Variants in STON2 observed in about 807,000 individuals in gnomAD.
STON2 encodes stonin 2, also known as stonin-2.
In STON2, 29 loss-of-function variants were observed where a neutral mutation model predicts 65.7. The ratio of observed to expected loss-of-function variants is 0.44; its 90% CI spans 0.33 to 0.60. The LOEUF is 0.60. STON2 is among the 20% of genes least tolerant of loss of function. The pLI is 0.03. For synonymous variants in STON2, 404 were observed against 414.2 expected (o/e 0.98, Z 0.30); for missense variants, 1,054 against 1,118.1 (o/e 0.94, Z 0.82).
chr14:81,300,785 T>G (rs1468736161), intron 5 of STON2, among the ~76,000 whole-genome samples: 1 of 152,190 alleles, frequency 6.6e-6, no homozygotes, highest in Non-Finnish European at 1.5e-5. Flanking sequence ...ATGATAAATT[T>G]AAACATTCAC....
intron 3 of STON2, among the ~76,000 whole-genome samples, chr14:81,376,145 A>G (rs1395493779): frequency 6.6e-6 from 1 of 151,908 alleles, no homozygotes; most frequent in Non-Finnish European, 1.5e-5. Context: ...ACAAAAGTAG[A>G]GCAAAATAAA....
chr14:81,304,843 C>T (rs1236752015), intron 5 of STON2, among the ~76,000 whole-genome samples: 1 of 152,094 alleles, frequency 6.6e-6, no homozygotes, highest in South Asian at 2.1e-4. Context: ...GTATAAAATA[C>T]ACAGAAAATA....
intron 3 of STON2, among the ~76,000 whole-genome samples, chr14:81,385,064 G>A (rs1166135660): frequency 1.3e-5 from 2 of 152,168 alleles, no homozygotes; most frequent in African/African-American, 4.8e-5. Context: ...GGAGAGCAGG[G>A]ACTGTGTCCA....
intron 3 of STON2, among the ~76,000 whole-genome samples, chr14:81,393,132 G>A (rs946044658): frequency 1.3e-5 from 2 of 152,152 alleles, no homozygotes; most frequent in East Asian, 3.8e-4. Context: ...TCAGATGGGG[G>A]CAACATAATT....
chr14:81,268,661 T>C, intron 7 of STON2, 164 bp from the exon 8 acceptor site: 5 of 983,678 alleles, frequency 5.1e-6, no homozygotes, highest in Non-Finnish European at 6.0e-6. Flanking sequence ...ATATCATGTC[T>C]CTCTCTTTGC....
intron 4 of STON2, among the ~76,000 whole-genome samples, chr14:81,330,808 C>T (rs1201730455): frequency 6.6e-6 from 1 of 152,198 alleles, no homozygotes. Context: ...ACTCAAAAGT[C>T]CTGCATGCCC....
chr14:81,383,650 C>A (rs189053424), intron 3 of STON2, among the ~76,000 whole-genome samples: 1 of 152,236 alleles, frequency 6.6e-6, no homozygotes, highest in East Asian at 1.9e-4. Flanking sequence ...AAGCTACCAC[C>A]CTGCTGCAAG....
At chr14:81,316,767 T>C (rs1458766326) in intron 5 of STON2, among the ~76,000 whole-genome samples, 4 of 152,312 alleles carry the variant, frequency 2.6e-5, no homozygotes, top group South Asian at 4.1e-4. Flanking sequence ...ACGCCTGTAA[T>C]ACCAGCACTT....
chr14:81,425,250 C>T (rs981890242), intron 2 of STON2, among the ~76,000 whole-genome samples: 14 of 152,088 alleles, frequency 9.2e-5, no homozygotes, highest in African/African-American at 3.4e-4. Flanking sequence ...AGGAATTTTC[C>T]AACCAAGTGT....
chr14:81,337,549 G>A (rs558840669), intron 4 of STON2, among the ~76,000 whole-genome samples: 21 of 152,236 alleles, frequency 1.4e-4, no homozygotes, highest in African/African-American at 4.8e-4. Context: ...CTCATGAGGT[G>A]GTTGGGGAAG....
At chr14:81,338,366 G>A (rs1462261103) in intron 4 of STON2, among the ~76,000 whole-genome samples, 3 of 152,202 alleles carry the variant, frequency 2.0e-5, no homozygotes, top group Admixed American at 6.5e-5. Context: ...AAAGGACAGG[G>A]TTCAGGGAGC....
intron 3 of STON2, among the ~76,000 whole-genome samples, chr14:81,374,808 G>A: frequency 6.6e-6 from 1 of 151,536 alleles, no homozygotes; most frequent in Non-Finnish European, 1.5e-5. Flanking sequence ...ATGGTAGAGG[G>A]GCAATATTTG....
chr14:81,391,332 G>C (rs1449495075), intron 3 of STON2, among the ~76,000 whole-genome samples: 1 of 152,206 alleles, frequency 6.6e-6, no homozygotes, highest in African/African-American at 2.4e-5. Flanking sequence ...GCAATATACA[G>C]CACATGCATT....
chr14:81,375,539 T>C (rs1339017694), intron 3 of STON2, among the ~76,000 whole-genome samples: 3 of 152,016 alleles, frequency 2.0e-5, no homozygotes, highest in Non-Finnish European at 2.9e-5. Context: ...AAATTATTAA[T>C]GCAAAAATTG....
chr14:81,352,310 C>T (rs1187963552), intron 4 of STON2, among the ~76,000 whole-genome samples: 2 of 152,162 alleles, frequency 1.3e-5, no homozygotes, highest in Non-Finnish European at 2.9e-5. Context: ...AACATCTATG[C>T]TTTCTGTTGG....
intron 2 of STON2, among the ~76,000 whole-genome samples, chr14:81,426,102 T>G (rs1901961058): frequency 6.6e-6 from 1 of 152,214 alleles, no homozygotes; most frequent in Non-Finnish European, 1.5e-5. Flanking sequence ...CTCACACCTA[T>G]GAGATGGGCA....
At chr14:81,398,209 C>T in intron 2 of STON2, 86 bp downstream of exon 2, 2 of 922,774 alleles carry the variant, frequency 2.2e-6, no homozygotes, top group Middle Eastern at 4.4e-4. Context: ...AAGATCCCAC[C>T]CAAAGAATAA....
Position 81,277,575 on chromosome 14 carries a change from A to G in STON2, c.1907T>C (p.Phe636Ser). ...EEITVDVRDE[F>S]SGIVSKGDNQ... Reference sequence around the variant, plus strand: ...GTCTCCTTTGCTCACAATGCCAGAGAATTCATCTCTGACATCCACTGTAAT... The same window carrying G: ...GTCTCCTTTGCTCACAATGCCAGAGGATTCATCTCTGACATCCACTGTAAT... The change falls in exon 6 of 8, where the codon TTC becomes TCC. Residue 636 changes from phenylalanine (F) to serine (S), a missense_variant. Phe to Ser is a radical substitution (Grantham distance 155). Coordinates refer to ENST00000614646, the MANE Select transcript of STON2 (RefSeq NM_001394390.1). The G allele has an allele frequency of 1.2e-6, 2 of 1,614,134 alleles. No homozygotes were observed. The highest frequency in any genetic ancestry group is 1.7e-6 in the Non-Finnish European group (2 of 1,180,008).
chr14:81,415,668 CAAAA>C (rs35270491), intron 2 of STON2, among the ~76,000 whole-genome samples: 2 of 77,292 alleles, frequency 2.6e-5, no homozygotes, highest in Admixed American at 1.6e-4. Flanking sequence ...GACTCCATCG[CAAAA>C]AAAAAAAAAA....
Sources: gnomAD v4.1 joint callset for allele counts (sites outside exome capture counted in the v4.1 genomes callset) on GRCh38, gnomAD v4.1.1 for gene constraint, MANE v1.5 for transcripts, NCBI Gene and HGNC (gene_info 2026-07-23, HGNC 2026-07-21) for gene names.